Variants in FSTL5 observed in about 807,000 individuals in gnomAD.
FSTL5 encodes the protein follistatin-related protein 5.
In FSTL5, 62 loss-of-function variants were observed where a neutral mutation model predicts 89.1. The observed-to-expected ratio is 0.70, with a 90% CI of 0.57 to 0.86. The LOEUF (loss-of-function observed/expected upper bound fraction) is 0.86. Among genes scored for constraint, FSTL5 ranks in the 40% least tolerant of loss-of-function variants. The pLI, the probability that FSTL5 is intolerant of heterozygous loss-of-function variation, is 0.00. For synonymous variants in FSTL5, 383 were observed against 346.2 expected (o/e 1.11, Z -1.18); for missense variants, 1,057 against 1,001.6 (o/e 1.06, Z -0.75).
intron 4 of FSTL5, among the ~76,000 whole-genome samples, chr4:161,884,073 C>G (rs5021197): frequency 1.3e-5 from 2 of 151,588 alleles, no homozygotes; most frequent in Non-Finnish European, 2.9e-5. Context: ...TTTTTTGAGA[C>G]GGAGTCTTGC....
chr4:161,538,131 G>C, intron 10 of FSTL5, 35 bp downstream of exon 10: 1 of 1,598,006 alleles, frequency 6.3e-7, no homozygotes, highest in South Asian at 1.1e-5. Flanking sequence ...CGTTGAATAT[G>C]GTGTGTGTGT....
rs190434165 is a variant in FSTL5, at chr4:161,771,635, T to C, written c.606+4243A>G. ...ATCTTTTGGTCTTGAAAATGAAATG[T>C]ATGTTCCATCTTAATCTTTGTTGAT... On this transcript the variant is annotated intron_variant, in intron 5 of 15. Transcript: ENST00000306100. 7.2e-5 allele frequency among the ~76,000 whole-genome samples: 11 copies of C among 152,268 alleles called. No homozygotes were observed. The East Asian group carries it at 2.1e-3, about 29-fold the overall frequency.
intron 7 of FSTL5, among the ~76,000 whole-genome samples, chr4:161,620,778 A>G (rs1321103905): frequency 1.3e-5 from 2 of 152,256 alleles, no homozygotes; most frequent in East Asian, 3.8e-4. Flanking sequence ...AATGGTAAAT[A>G]TGTAGGTAAA....
chr4:161,992,962 ATGTG>A (rs1553989566), intron 3 of FSTL5, among the ~76,000 whole-genome samples: 1 of 128,078 alleles, frequency 7.8e-6, no homozygotes, highest in Non-Finnish European at 1.6e-5. Flanking sequence ...CTATATATAT[ATGTG>A]TGTATATATA....
intron 3 of FSTL5, among the ~76,000 whole-genome samples, chr4:162,001,146 G>T (rs1380992953): frequency 6.6e-6 from 1 of 152,146 alleles, no homozygotes. Flanking sequence ...ATACCGTTTA[G>T]TTTCATAATC....
In FSTL5 at chr4:162,030,066, T is replaced by C. The variant is rs191797383; in HGVS notation, c.160+3559A>G. Among the ~76,000 whole-genome samples, 57 of 152,122 alleles carry C rather than the reference T, an allele frequency of 3.7e-4. 1 individual carries two copies. The highest frequency in any genetic ancestry group is 1.5e-3 in the South Asian group (7 of 4,818). On this transcript the variant is annotated intron_variant, in intron 3 of 15. Transcript: ENST00000306100. ...GGCATGCGCTACCACGCCTGGCTAATTTTTTATTTATTTATTTATTTTTTT... is the reference window on the plus strand; with the variant it reads ...GGCATGCGCTACCACGCCTGGCTAACTTTTTATTTATTTATTTATTTTTTT...
intron 6 of FSTL5, among the ~76,000 whole-genome samples, chr4:161,740,000 T>TATC (rs1560818888): frequency 2.2e-5 from 3 of 136,832 alleles, no homozygotes; most frequent in Non-Finnish European, 4.8e-5. Flanking sequence ...TAGTATCTAT[T>TATC]TATTTATTTA....
Position 161,708,201 on chromosome 4 carries a change from C to T in FSTL5, c.727+51210G>A, listed in dbSNP as rs1407068759. 3.3e-5 allele frequency among the ~76,000 whole-genome samples: 5 copies of T among 152,080 alleles called. No homozygotes were observed. In the East Asian group the frequency reaches 9.6e-4, roughly 29 times the overall value. On this transcript the variant is annotated intron_variant, in intron 6 of 15. Transcript: ENST00000306100. ...TTGTAGGATGTCCAAGAAGTCTTCT[C>T]TATCATGTTTTTTTCACCTTCGTTT...
At chr4:161,441,116 A>G (rs533269386) in intron 15 of FSTL5, among the ~76,000 whole-genome samples, 2 of 152,214 alleles carry the variant, frequency 1.3e-5, no homozygotes, top group South Asian at 2.1e-4. Context: ...TATTTCTGGT[A>G]AGATATAAGG....
intron 4 of FSTL5, 84 bp downstream of exon 4, chr4:161,920,320 A>G (rs1733955586): frequency 1.5e-6 from 2 of 1,372,960 alleles, no homozygotes; most frequent in Admixed American, 2.1e-5. Context: ...CCTTGCTGAT[A>G]TAAAATTGCT....
chr4:161,767,739 A>T (rs552722433), intron 5 of FSTL5, among the ~76,000 whole-genome samples: 1 of 152,158 alleles, frequency 6.6e-6, no homozygotes, highest in African/African-American at 2.4e-5. Context: ...ATGAAATAGG[A>T]CGATTCAGAG....
chr4:161,514,733 T>C (rs1481050105), intron 10 of FSTL5, among the ~76,000 whole-genome samples: 2 of 152,222 alleles, frequency 1.3e-5, no homozygotes, highest in South Asian at 2.1e-4. Flanking sequence ...ATAAATTGTA[T>C]AAATAGTATA....
Position 161,778,092 on chromosome 4 carries a change from T to TCACA in FSTL5, c.410-2022_410-2019dup, listed in dbSNP as rs71598736. Among the ~76,000 whole-genome samples the TCACA allele has an allele frequency of 9.1e-3, 1,352 of 148,324 alleles. 10 individuals are homozygous for TCACA. Among genetic ancestry groups the TCACA allele is most frequent in the African/African-American group, 0.021 (828 of 40,272 alleles). ...CTGAATGACAGGGTGAGACTCCGTATCACACACACACACACACACACACAC... is the reference window on the plus strand; with the variant it reads ...CTGAATGACAGGGTGAGACTCCGTATCACACACACACACACACACACACACACAC... On this transcript the variant is annotated intron_variant, in intron 4 of 15. Transcript: ENST00000306100.
intron 7 of FSTL5, among the ~76,000 whole-genome samples, chr4:161,592,351 G>A (rs940346308): frequency 1.3e-4 from 20 of 152,012 alleles, no homozygotes; most frequent in Admixed American, 6.6e-4. Flanking sequence ...AGGTATACAC[G>A]TGCCATGGTG....
chr4:161,534,093 C>A (rs918872288), intron 10 of FSTL5, among the ~76,000 whole-genome samples: 1 of 151,962 alleles, frequency 6.6e-6, no homozygotes, highest in Non-Finnish European at 1.5e-5. Context: ...ATAATAAGAA[C>A]CACCTTATGA....
At chr4:161,464,245 C>T (rs2126420320) in intron 13 of FSTL5, among the ~76,000 whole-genome samples, 1 of 152,312 alleles carries the variant, frequency 6.6e-6, no homozygotes, top group African/African-American at 2.4e-5. Context: ...TCCTTGATGT[C>T]TCTGATACAG....
intron 4 of FSTL5, among the ~76,000 whole-genome samples, chr4:161,918,507 A>C (rs1462068780): frequency 6.6e-6 from 1 of 152,196 alleles, no homozygotes; most frequent in Non-Finnish European, 1.5e-5. Flanking sequence ...CCATTATTTT[A>C]TACATTTACT....
At chr4:161,899,632 A>T (rs1360512873) in intron 4 of FSTL5, among the ~76,000 whole-genome samples, 1 of 152,186 alleles carries the variant, frequency 6.6e-6, no homozygotes, top group Non-Finnish European at 1.5e-5. Flanking sequence ...AGGATTTGAA[A>T]ATATAGTGAT....
At chr4:161,811,357 A>T (rs1343626798) in intron 4 of FSTL5, among the ~76,000 whole-genome samples, 1 of 152,214 alleles carries the variant, frequency 6.6e-6, no homozygotes, top group South Asian at 2.1e-4. Context: ...ATTATTTTAT[A>T]GTGATATTTT....
Sources: gnomAD v4.1 joint callset for allele counts (sites outside exome capture counted in the v4.1 genomes callset) on GRCh38, gnomAD v4.1.1 for gene constraint, MANE v1.5 for transcripts, NCBI Gene and HGNC (gene_info 2026-07-23, HGNC 2026-07-21) for gene names.